Variants in DPP10 observed in about 807,000 individuals in gnomAD.
The protein encoded by DPP10 is inactive dipeptidyl peptidase 10.
In DPP10, 33 loss-of-function variants were observed where a neutral mutation model predicts 120.9. The observed-to-expected ratio is 0.27, with a 90% confidence interval of 0.21 to 0.37. The LOEUF (loss-of-function observed/expected upper bound fraction) is 0.37, where lower values mean the gene tolerates loss of function less well. Among genes scored for constraint, DPP10 ranks in the 10% least tolerant of loss-of-function variants. DPP10 has a pLI of 1.00. For synonymous variants in DPP10, 337 were observed against 326.1 expected (o/e 1.03, Z -0.36); for missense variants, 816 against 942.8 (o/e 0.87, Z 1.76).
intron 1 of DPP10, among the ~76,000 whole-genome samples, chr2:115,169,612 T>A (rs1193732954): frequency 6.6e-6 from 1 of 152,176 alleles, no homozygotes; most frequent in Non-Finnish European, 1.5e-5. Flanking sequence ...TGTTCATGGT[T>A]TAATATTCTC....
At chr2:114,538,883 C>T (rs777810315) in intron 1 of DPP10, among the ~76,000 whole-genome samples, 8 of 152,118 alleles carry the variant, frequency 5.3e-5, no homozygotes, top group African/African-American at 1.4e-4. Flanking sequence ...CCTTCTCTGT[C>T]GTTAGGCCCA....
intron 8 of DPP10, among the ~76,000 whole-genome samples, chr2:115,732,726 C>G (rs888710153): frequency 2.0e-5 from 3 of 152,032 alleles, no homozygotes; most frequent in African/African-American, 7.2e-5. Flanking sequence ...GACTCACTTT[C>G]AAATATTTAA....
intron 8 of DPP10, among the ~76,000 whole-genome samples, chr2:115,737,215 G>A (rs1049615746): frequency 2.4e-4 from 36 of 152,016 alleles, no homozygotes. Context: ...GATGTGAGAT[G>A]AGGAGAGGGG....
chr2:114,726,124 T>TA, intron 1 of DPP10, among the ~76,000 whole-genome samples: 1 of 151,614 alleles, frequency 6.6e-6, no homozygotes, highest in Middle Eastern at 3.4e-3. Flanking sequence ...TAGTCCCAGC[T>TA]ACTCTGGAGG....
intron 1 of DPP10, among the ~76,000 whole-genome samples, chr2:114,496,003 T>G (rs1445228826): frequency 6.6e-6 from 1 of 152,188 alleles, no homozygotes; most frequent in Non-Finnish European, 1.5e-5. Context: ...TTTGTATTAG[T>G]CAGTGTCCAG....
At chr2:115,515,465 CATCTTTTTAT>C (rs933643743) in intron 4 of DPP10, among the ~76,000 whole-genome samples, 3 of 152,020 alleles carry the variant, frequency 2.0e-5, no homozygotes, top group Admixed American at 6.6e-5. Context: ...GGTTGAGAAT[CATCTTTTTAT>C]ATGTGCATTG....
At chr2:115,162,342 C>G (rs2052466301) in intron 1 of DPP10, 3 of 1,437,758 alleles carry the variant, frequency 2.1e-6, no homozygotes, top group Middle Eastern at 2.4e-4. Flanking sequence ...CGGCCGGGAC[C>G]AAGGAATGGG....
intron 1 of DPP10, among the ~76,000 whole-genome samples, chr2:114,603,439 G>A (rs946419037): frequency 2.0e-5 from 3 of 151,928 alleles, no homozygotes; most frequent in African/African-American, 7.2e-5. Flanking sequence ...CCATAACGTC[G>A]GGATTACTTT....
intron 1 of DPP10, among the ~76,000 whole-genome samples, chr2:114,939,433 A>T (rs915949499): frequency 3.6e-4 from 55 of 152,074 alleles, no homozygotes; most frequent in African/African-American, 1.3e-3. Context: ...ATCTTGTTTT[A>T]TTGACCTGTC....
At chr2:114,558,240 G>T (rs143546865) in intron 1 of DPP10, among the ~76,000 whole-genome samples, 16 of 152,326 alleles carry the variant, frequency 1.1e-4, no homozygotes, top group African/African-American at 3.8e-4. Context: ...GAAGTCCTCA[G>T]ATTGAATGGT....
chr2:114,798,126 G>A (rs1409880446), intron 1 of DPP10, among the ~76,000 whole-genome samples: 8 of 152,144 alleles, frequency 5.3e-5, no homozygotes, highest in African/African-American at 1.9e-4. Context: ...AACCACTGAA[G>A]GCCAGCCAAG....
intron 1 of DPP10, chr2:115,162,420 T>A: frequency 8.3e-7 from 1 of 1,198,422 alleles, no homozygotes; most frequent in Non-Finnish European, 1.1e-6. Flanking sequence ...CTCACCGGGT[T>A]CGAGCCCCGT....
intron 1 of DPP10, among the ~76,000 whole-genome samples, chr2:114,693,424 A>G (rs995111465): frequency 1.3e-4 from 20 of 151,880 alleles, no homozygotes; most frequent in African/African-American, 4.8e-4. Context: ...CTTCTGGCTT[A>G]TAGGGTTTCC....
At chr2:114,761,793 C>T (rs1680305026) in intron 1 of DPP10, among the ~76,000 whole-genome samples, 1 of 152,202 alleles carries the variant, frequency 6.6e-6, no homozygotes, top group African/African-American at 2.4e-5. Flanking sequence ...TGCTAAGAAA[C>T]TGCTTTACCA....
chr2:114,730,132 CAG>C (rs1194524733), intron 1 of DPP10, among the ~76,000 whole-genome samples: 1 of 145,386 alleles, frequency 6.9e-6, no homozygotes, highest in Non-Finnish European at 1.5e-5. Flanking sequence ...ACTGTCCAAA[CAG>C]AAAAAAAAAA....
At chr2:115,042,203 A>C (rs1251582245) in intron 1 of DPP10, among the ~76,000 whole-genome samples, 1 of 152,140 alleles carries the variant, frequency 6.6e-6, no homozygotes, top group Non-Finnish European at 1.5e-5. Flanking sequence ...TATGCAATAC[A>C]AGTAAAATGC....
chr2:114,598,434 T>G (rs1369435155), intron 1 of DPP10, among the ~76,000 whole-genome samples: 2 of 151,820 alleles, frequency 1.3e-5, no homozygotes, highest in Non-Finnish European at 2.9e-5. Flanking sequence ...TTGTCCAAAG[T>G]GTGTCTAAGA....
chr2:115,561,146 C>G (rs1035015479), intron 5 of DPP10, among the ~76,000 whole-genome samples: 3 of 151,810 alleles, frequency 2.0e-5, no homozygotes, highest in African/African-American at 7.3e-5. Flanking sequence ...CTCAGGAGTT[C>G]GAGACCAGCC....
At chr2:114,984,708 C>T (rs1700293027) in intron 1 of DPP10, among the ~76,000 whole-genome samples, 1 of 152,170 alleles carries the variant, frequency 6.6e-6, no homozygotes. Flanking sequence ...CTAGTCAAAA[C>T]TTTAGCATTA....
Sources: allele counts gnomAD v4.1 joint callset (sites outside exome capture counted in the v4.1 genomes callset), GRCh38; gene constraint gnomAD v4.1.1; transcripts MANE v1.5; gene names NCBI Gene and HGNC (gene_info 2026-07-23, HGNC 2026-07-21).